Variants in CCDC171 observed in about 807,000 individuals in gnomAD.
CCDC171 encodes coiled-coil domain-containing protein 171.
A neutral mutation model predicts 168.2 loss-of-function variants in CCDC171; 177 were observed. That is an observed-to-expected ratio of 1.05 (90% CI 0.93 to 1.19). CCDC171 has a LOEUF of 1.19. CCDC171 is among the 50% of genes most tolerant of loss of function. The probability of loss-of-function intolerance (pLI) is 0.00; values close to 1 mark genes in which losing one functional copy is unlikely to be tolerated. For synonymous variants in CCDC171, 687 were observed against 540.8 expected (o/e 1.27, Z -3.75); for missense variants, 1,991 against 1,539.0 (o/e 1.29, Z -4.91).
chr9:15,651,044 C>T (rs1197549387), intron 7 of CCDC171, among the ~76,000 whole-genome samples: 1 of 152,052 alleles, frequency 6.6e-6, no homozygotes, highest in Non-Finnish European at 1.5e-5. Context: ...TGATAACTAT[C>T]CTAACTGTCA....
At chr9:15,886,522 G>A (rs1819418251) in intron 24 of CCDC171, 1 of 152,158 alleles carries the variant, frequency 6.6e-6, no homozygotes. Flanking sequence ...TGGTGGAAAT[G>A]TAAATTGGTA....
chr9:15,688,746 T>C (rs968497962), intron 10 of CCDC171, among the ~76,000 whole-genome samples: 1 of 152,170 alleles, frequency 6.6e-6, no homozygotes, highest in African/African-American at 2.4e-5. Flanking sequence ...CATCTGACAT[T>C]ACATTTAATG....
At chr9:15,945,452 C>G (rs1014229853) in intron 25 of CCDC171, among the ~76,000 whole-genome samples, 2 of 151,386 alleles carry the variant, frequency 1.3e-5, no homozygotes, top group South Asian at 2.1e-4. Context: ...GAGGAATCGC[C>G]ACACTGACTT....
chr9:15,839,324 G>C (rs1054165886), intron 21 of CCDC171, among the ~76,000 whole-genome samples: 2 of 152,012 alleles, frequency 1.3e-5, no homozygotes, highest in African/African-American at 4.8e-5. Flanking sequence ...GAGAAATATT[G>C]GTTTTACATT....
chr9:16,095,387 C>A, the CCDC171 span, among the ~76,000 whole-genome samples: 6 of 152,272 alleles, frequency 3.9e-5, no homozygotes, highest in Non-Finnish European at 7.4e-5. Flanking sequence ...TCCACCAGTT[C>A]TTTCCCCTAC....
chr9:16,050,425 G>T (rs568010378), intron 1 of CCDC171, among the ~76,000 whole-genome samples: 1 of 149,114 alleles, frequency 6.7e-6, no homozygotes, highest in African/African-American at 2.4e-5. Flanking sequence ...AATACTCATT[G>T]TATTTTGAAG....
At chr9:15,786,041 G>A (rs2057935201) in intron 21 of CCDC171, among the ~76,000 whole-genome samples, 1 of 152,164 alleles carries the variant, frequency 6.6e-6, no homozygotes, top group African/African-American at 2.4e-5. Flanking sequence ...AAATATAGAT[G>A]TCCTTTACGA....
At chr9:15,806,802 T>A (rs2059103460) in intron 21 of CCDC171, among the ~76,000 whole-genome samples, 1 of 152,196 alleles carries the variant, frequency 6.6e-6, no homozygotes, top group Admixed American at 6.5e-5. Flanking sequence ...TCATTGACAA[T>A]ATCTTGAAAT....
At chr9:15,745,817 C>G (rs2055233509) in intron 18 of CCDC171, among the ~76,000 whole-genome samples, 186 bp downstream of exon 18, 1 of 151,982 alleles carries the variant, frequency 6.6e-6, no homozygotes, top group Admixed American at 6.6e-5. Context: ...AATTTTGTCT[C>G]TATTTATGGG....
In CCDC171 at chr9:15,822,485, A is replaced by C. The variant is rs560491640; in HGVS notation, c.3268-24217A>C. 5.9e-5 allele frequency among the ~76,000 whole-genome samples: 9 copies of C among 152,288 alleles called. No individual in the cohort carries two copies. In the East Asian group the frequency reaches 1.2e-3, roughly 20 times the overall value. ...CTACAATGAACTCAAACAAATTTAC[A>C]AGAAAAAAAACAAACACCCACATGA... On this transcript the variant is annotated intron_variant, in intron 21 of 25. Coordinates refer to ENST00000380701, the MANE Select transcript of CCDC171 (RefSeq NM_173550.4).
At chr9:16,044,768 C>A (rs1394385569) in intron 1 of CCDC171, among the ~76,000 whole-genome samples, 2 of 152,112 alleles carry the variant, frequency 1.3e-5, no homozygotes, top group African/African-American at 4.8e-5. Flanking sequence ...TTTTACAATT[C>A]CCATGATGCC....
At chr9:16,102,046 A>T in the CCDC171 span, among the ~76,000 whole-genome samples, 31 of 152,280 alleles carry the variant, frequency 2.0e-4, no homozygotes, top group Admixed American at 1.4e-3. Flanking sequence ...GTAAACCAAA[A>T]CACCTATTAA....
Position 15,758,491 on chromosome 9 carries a change from G to A in CCDC171, c.2671+12860G>A, listed in dbSNP as rs1029211049. On this transcript the variant is annotated intron_variant, in intron 18 of 25. Coordinates refer to ENST00000380701, the MANE Select transcript of CCDC171 (RefSeq NM_173550.4). ...ACAGGCTCATAGGTGGAAGGGACTT[G>A]CCTTGTCTCAGATGAGACTTTGGAC... Among the ~76,000 whole-genome samples, 12 of 152,210 alleles carry A rather than the reference G, an allele frequency of 7.9e-5. No individual in the cohort carries two copies. The East Asian group carries it at 1.7e-3, about 22-fold the overall frequency.
intron 21 of CCDC171, among the ~76,000 whole-genome samples, chr9:15,828,920 A>C (rs534959340): frequency 1.3e-5 from 2 of 152,266 alleles, no homozygotes; most frequent in Admixed American, 1.3e-4. Context: ...CTCCTTCTTG[A>C]CTGGCATTTG....
intron 6 of CCDC171, among the ~76,000 whole-genome samples, chr9:16,029,374 A>G (rs1833329807): frequency 6.6e-6 from 1 of 152,226 alleles, no homozygotes; most frequent in South Asian, 2.1e-4. Flanking sequence ...CTCGTTTTAA[A>G]GGACTTGGGT....
chr9:15,672,069 G>A (rs187918064), intron 9 of CCDC171, among the ~76,000 whole-genome samples: 4 of 152,274 alleles, frequency 2.6e-5, no homozygotes, highest in Admixed American at 2.0e-4. Context: ...GTATCTCATT[G>A]TGGTTTTGAT....
chr9:15,570,823 A>G (rs2040165993), intron 2 of CCDC171, among the ~76,000 whole-genome samples: 1 of 152,238 alleles, frequency 6.6e-6, no homozygotes, highest in South Asian at 2.1e-4. Flanking sequence ...TGTATATAGT[A>G]TGAAAAACTT....
chr9:16,091,998 C>G, the CCDC171 span, among the ~76,000 whole-genome samples: 3 of 152,182 alleles, frequency 2.0e-5, no homozygotes, highest in Non-Finnish European at 4.4e-5. Context: ...CAATTCCAAT[C>G]AGTTCTTGGT....
intron 6 of CCDC171, among the ~76,000 whole-genome samples, chr9:16,025,705 G>C (rs1006627998): frequency 3.3e-5 from 5 of 152,172 alleles, no homozygotes; most frequent in Non-Finnish European, 7.3e-5. Context: ...CCCATTTACT[G>C]TATAATTCCA....
Sources: gnomAD v4.1 joint callset for allele counts (sites outside exome capture counted in the v4.1 genomes callset) on GRCh38, gnomAD v4.1.1 for gene constraint, MANE v1.5 for transcripts, NCBI Gene and HGNC (gene_info 2026-07-23, HGNC 2026-07-21) for gene names.